Variants in DENND1A observed in about 807,000 individuals in gnomAD.
The protein encoded by DENND1A is DENN domain-containing protein 1A.
In DENND1A, 51 loss-of-function variants were observed where a neutral mutation model predicts 113.7. The ratio of observed to expected loss-of-function variants is 0.45; its 90% CI spans 0.36 to 0.57. DENND1A has a LOEUF of 0.57. DENND1A is among the 20% of genes least tolerant of loss of function. The probability of loss-of-function intolerance (pLI) is 0.00; values close to 1 mark genes in which losing one functional copy is unlikely to be tolerated. For synonymous variants in DENND1A, 565 were observed against 570.8 expected (o/e 0.99, Z 0.14); for missense variants, 1,258 against 1,395.9 (o/e 0.90, Z 1.57).
At chr9:123,412,345 G>A (rs1000162068) in intron 19 of DENND1A, among the ~76,000 whole-genome samples, 12 of 152,218 alleles carry the variant, frequency 7.9e-5, no homozygotes, top group African/African-American at 2.7e-4. Flanking sequence ...GGGCTGCTCC[G>A]GCTGGACTGG....
At chr9:123,787,213 T>A (rs1014759804) in intron 3 of DENND1A, among the ~76,000 whole-genome samples, 3 of 152,196 alleles carry the variant, frequency 2.0e-5, no homozygotes, top group African/African-American at 7.2e-5. Context: ...TTCCTGTAAA[T>A]ATTATACATT....
In DENND1A at chr9:123,651,994, C is replaced by A; in HGVS notation, c.618+19G>T. The stretch of plus-strand genomic sequence containing the variant: ...AAAATTAGATCATTAAAAAGCCAGT[C>A]TTAAGACTGTCTACTCACAGTGCTG... On this transcript the variant is annotated intron_variant, in intron 9 of 23. Coordinates refer to ENST00000394215, the MANE Select transcript of DENND1A (RefSeq NM_001352964.2). The A allele has an allele frequency of 6.2e-7, 1 of 1,609,966 alleles. No individual in the cohort carries two copies. Among genetic ancestry groups the A allele is most frequent in the Non-Finnish European group, 8.5e-7 (1 of 1,177,076 alleles).
chr9:123,447,802 A>C (rs1448138578), intron 18 of DENND1A, among the ~76,000 whole-genome samples: 2 of 151,788 alleles, frequency 1.3e-5, no homozygotes. Context: ...AAAAAAAAAA[A>C]ACCAAGGAAA....
intron 5 of DENND1A, among the ~76,000 whole-genome samples, chr9:123,710,560 C>CACACACACACACACACACACACACA: frequency 6.7e-6 from 1 of 148,982 alleles, no homozygotes; most frequent in East Asian, 1.9e-4. Flanking sequence ...CACACACACA[C>CACACACACACACACACACACACACA]TGGCATCATA....
intron 5 of DENND1A, among the ~76,000 whole-genome samples, chr9:123,725,733 A>G (rs1488969928): frequency 2.0e-5 from 3 of 152,218 alleles, no homozygotes; most frequent in Non-Finnish European, 4.4e-5. Flanking sequence ...CCAGAGAAAG[A>G]AGGAGAATCG....
intron 10 of DENND1A, among the ~76,000 whole-genome samples, chr9:123,627,478 A>G (rs1057248005): frequency 6.6e-6 from 1 of 152,234 alleles, no homozygotes; most frequent in Non-Finnish European, 1.5e-5. Context: ...ACGGTGGCTC[A>G]CGTCTGTAAT....
intron 3 of DENND1A, among the ~76,000 whole-genome samples, chr9:123,776,505 T>C (rs552046233): frequency 6.6e-6 from 1 of 152,238 alleles, no homozygotes; most frequent in Non-Finnish European, 1.5e-5. Context: ...TCTTACCTAA[T>C]GATATGGTAC....
chr9:123,536,129 C>T (rs1447161087), intron 13 of DENND1A, among the ~76,000 whole-genome samples: 1 of 152,144 alleles, frequency 6.6e-6, no homozygotes, highest in Non-Finnish European at 1.5e-5. Flanking sequence ...TACAAACCAC[C>T]ACCAAACTGG....
chr9:123,674,344 A>ACT (rs1564926189), intron 6 of DENND1A, among the ~76,000 whole-genome samples: 1 of 27,364 alleles, frequency 3.7e-5, no homozygotes, highest in Admixed American at 3.8e-4. Flanking sequence ...TCTCTCTCTC[A>ACT]CACACACACA....
chr9:123,414,094 G>A (rs1405854075), intron 19 of DENND1A: 1 of 993,972 alleles, frequency 1.0e-6, no homozygotes, highest in Non-Finnish European at 1.2e-6. Context: ...GAGCGCTCGG[G>A]AGGCAGCCTC....
At position 123,622,827 on chromosome 9, in the gene DENND1A, A is replaced by T. The variant is rs185154341; in HGVS notation, c.719+7549T>A. Among the ~76,000 whole-genome samples, 410 of 152,344 alleles carry T rather than the reference A, an allele frequency of 2.7e-3. 8 individuals are homozygous for T. Among genetic ancestry groups the T allele is most frequent in the Non-Finnish European group, 4.6e-3 (311 of 68,032 alleles). ...CAGTACTCAATAGATGGTGATTATT[A>T]TGAAAGGGAATGCTGATTCTCATTA... On this transcript the variant is annotated intron_variant, in intron 10 of 23. Coordinates refer to ENST00000394215, the MANE Select transcript of DENND1A (RefSeq NM_001352964.2).
intron 4 of DENND1A, among the ~76,000 whole-genome samples, chr9:123,768,325 T>C (rs1829164875): frequency 6.6e-6 from 1 of 152,184 alleles, no homozygotes; most frequent in Non-Finnish European, 1.5e-5. Context: ...TTAAACTCCT[T>C]TGGCTACCAA....
At chr9:123,534,163 C>T (rs546633934) in intron 13 of DENND1A, among the ~76,000 whole-genome samples, 4 of 152,316 alleles carry the variant, frequency 2.6e-5, no homozygotes, top group Non-Finnish European at 4.4e-5. Context: ...CAGACATTTT[C>T]GTCTTCCTCA....
chr9:123,851,619 T>C (rs1279419577), intron 2 of DENND1A, among the ~76,000 whole-genome samples: 1 of 152,214 alleles, frequency 6.6e-6, no homozygotes, highest in East Asian at 1.9e-4. Context: ...TTACAACTGT[T>C]GTTCCTCAGT....
At chr9:123,606,292 T>C (rs1589321246) in intron 11 of DENND1A, among the ~76,000 whole-genome samples, 1 of 152,110 alleles carries the variant, frequency 6.6e-6, no homozygotes, top group Non-Finnish European at 1.5e-5. Flanking sequence ...GTTTCAAGAG[T>C]GGGACAACTC....
intron 13 of DENND1A, among the ~76,000 whole-genome samples, chr9:123,550,247 T>A (rs906477709): frequency 1.3e-5 from 2 of 152,258 alleles, no homozygotes; most frequent in Non-Finnish European, 2.9e-5. Context: ...CAGAGTGAGC[T>A]GGCTGCTGCC....
Position 123,909,517 on chromosome 9 carries a change from C to T in DENND1A, c.17+20372G>A, listed in dbSNP as rs552214806. On this transcript the variant is annotated intron_variant, in intron 1 of 23. Coordinates refer to ENST00000394215, the MANE Select transcript of DENND1A (RefSeq NM_001352964.2). ...CATTCATGACAAAAACTCTCAGCAA[C>T]GTAAAAATGGACAGAAACTTCTCAA... 1.1e-4 allele frequency among the ~76,000 whole-genome samples: 16 copies of T among 151,934 alleles called. No individual in the cohort carries two copies. In the South Asian group the frequency reaches 1.7e-3, roughly 16 times the overall value.
Position 123,411,817 on chromosome 9 carries a change from G to T in DENND1A, c.1501C>A (p.Arg501Ser). The T allele has an allele frequency of 4.1e-6, 4 of 985,928 alleles. No homozygotes were observed. Among genetic ancestry groups the T allele is most frequent in the Non-Finnish European group, 4.8e-6 (4 of 830,042 alleles). 61.1% of individuals were successfully genotyped at this position (985,928 alleles called of 1,614,324 possible). The change falls in exon 20 of 24, where the codon CGT (arginine) becomes AGT (serine). Residue 501 changes from arginine to serine, a missense_variant. By Grantham distance (110) the Arg-to-Ser change is moderately radical. Coordinates refer to ENST00000394215, the MANE Select transcript of DENND1A (RefSeq NM_001352964.2). ...TVHFGQLQRL[R>S]PTRPPPKIQR... is the part of the protein sequence containing the mutation. ...ATCTTGGGAGGCGGTCGGGTGGGAC[G>T]CAGTCTCTGCAGCTGCATTAAAGTG...
chr9:123,424,524 G>C (rs2045564687), intron 19 of DENND1A, among the ~76,000 whole-genome samples: 1 of 152,156 alleles, frequency 6.6e-6, no homozygotes, highest in African/African-American at 2.4e-5. Context: ...TGGTCTCTCT[G>C]CCTCAACTAC....
Sources: allele counts gnomAD v4.1 joint callset (sites outside exome capture counted in the v4.1 genomes callset), GRCh38; gene constraint gnomAD v4.1.1; transcripts MANE v1.5; gene names NCBI Gene and HGNC (gene_info 2026-07-23, HGNC 2026-07-21).